Variants in IL1RAPL2 observed in about 807,000 individuals in gnomAD.
IL1RAPL2 encodes the protein interleukin 1 receptor accessory protein like 2.
A neutral mutation model predicts 44.1 loss-of-function variants in IL1RAPL2; 3 were observed. The observed-to-expected ratio is 0.07, with a 90% CI of 0.03 to 0.18. IL1RAPL2 has a LOEUF of 0.18. Ranked by LOEUF, IL1RAPL2 falls within the 10% of genes least tolerant of loss-of-function variation. The pLI, the probability that IL1RAPL2 is intolerant of heterozygous loss-of-function variation, is 1.00. For missense variants in IL1RAPL2, 391 were observed against 496.4 expected, an observed-to-expected ratio of 0.79 and a Z score of 2.02; for synonymous variants, 181 against 178.8, an observed-to-expected ratio of 1.01 and a Z score of -0.10.
intron 1 of IL1RAPL2, among the ~76,000 whole-genome samples, chrX:104,635,519 T>A (rs957949991): frequency 9.8e-5 from 11 of 111,957 alleles, no homozygotes; most frequent in African/African-American, 3.2e-4. Flanking sequence ...TAGTCCCATG[T>A]TTCTTGGAGG....
chrX:104,633,585 A>G (rs747664116), intron 1 of IL1RAPL2, among the ~76,000 whole-genome samples: 19 of 111,636 alleles, frequency 1.7e-4, no homozygotes, highest in Admixed American at 1.5e-3. Context: ...TATATGTGTC[A>G]AGGAATTTAT....
intron 2 of IL1RAPL2, among the ~76,000 whole-genome samples, chrX:105,186,842 C>T (rs1341715924): frequency 9.0e-6 from 1 of 111,661 alleles, no homozygotes; most frequent in Non-Finnish European, 1.9e-5. Flanking sequence ...GAGACATCAC[C>T]TTACACCTAT....
At chrX:105,752,200 T>TCA (rs199910972) in intron 9 of IL1RAPL2, among the ~76,000 whole-genome samples, 147 of 108,905 alleles carry the variant, frequency 1.3e-3, no homozygotes, top group African/African-American at 3.1e-3. Flanking sequence ...AACACTGCAG[T>TCA]CACACACACA....
intron 2 of IL1RAPL2, among the ~76,000 whole-genome samples, chrX:105,174,089 A>G: frequency 9.1e-6 from 1 of 109,843 alleles, no homozygotes; most frequent in Middle Eastern, 4.6e-3. Context: ...TCTCATCTTT[A>G]CCCTCCTACC....
At chrX:104,967,465 T>A (rs1197318552) in intron 2 of IL1RAPL2, among the ~76,000 whole-genome samples, 2 of 110,128 alleles carry the variant, frequency 1.8e-5, no homozygotes, top group Non-Finnish European at 1.9e-5. Flanking sequence ...AGGTTATAAA[T>A]TAATGAGCTA....
chrX:104,795,679 A>G (rs772470611), intron 2 of IL1RAPL2, among the ~76,000 whole-genome samples: 7 of 111,084 alleles, frequency 6.3e-5, no homozygotes, highest in Admixed American at 1.9e-4. Flanking sequence ...TTTGCCGTAA[A>G]ATTATTTTTG....
At chrX:104,824,486 G>A (rs1602745118) in intron 2 of IL1RAPL2, among the ~76,000 whole-genome samples, 2 of 112,003 alleles carry the variant, frequency 1.8e-5, no homozygotes, top group African/African-American at 6.5e-5. Flanking sequence ...TTGTACCTCT[G>A]GTAGAATTGG....
intron 5 of IL1RAPL2, among the ~76,000 whole-genome samples, chrX:105,335,020 A>T (rs1026425979): frequency 9.0e-6 from 1 of 111,554 alleles, no homozygotes; most frequent in Non-Finnish European, 1.9e-5. Context: ...CAAAGATATG[A>T]CTTGGTACAG....
intron 2 of IL1RAPL2, among the ~76,000 whole-genome samples, chrX:104,682,157 C>T (rs948683880): frequency 8.9e-6 from 1 of 112,076 alleles, no homozygotes; most frequent in African/African-American, 3.2e-5. Context: ...AACCAACATA[C>T]ATTTGCACCC....
chrX:104,702,374 T>C (rs1442547917), intron 2 of IL1RAPL2, among the ~76,000 whole-genome samples: 1 of 111,656 alleles, frequency 9.0e-6, no homozygotes, highest in African/African-American at 3.3e-5. Context: ...AGAATACTCA[T>C]TGAATATGGA....
chrX:105,539,701 C>T (rs377559030), intron 6 of IL1RAPL2, among the ~76,000 whole-genome samples: 4 of 111,565 alleles, frequency 3.6e-5, no homozygotes, highest in South Asian at 7.5e-4. Flanking sequence ...AAGAGCTCTG[C>T]ACAGCAAAAG....
chrX:105,230,993 C>T (rs2034064787), intron 3 of IL1RAPL2, among the ~76,000 whole-genome samples: 1 of 112,205 alleles, frequency 8.9e-6, no homozygotes, highest in African/African-American at 3.2e-5. Flanking sequence ...TCACCTGCTT[C>T]TATTATTGAG....
intron 1 of IL1RAPL2, among the ~76,000 whole-genome samples, chrX:104,601,506 G>C (rs996272709): frequency 3.6e-5 from 4 of 111,811 alleles, no homozygotes; most frequent in Non-Finnish European, 7.5e-5. Flanking sequence ...TGAGATTTGG[G>C]TAAAGAATGA....
intron 5 of IL1RAPL2, among the ~76,000 whole-genome samples, chrX:105,413,034 G>A (rs2035708112): frequency 1.8e-5 from 2 of 111,308 alleles, no homozygotes; most frequent in South Asian, 7.5e-4. Context: ...CTGGAATGAT[G>A]TTTAATAAAT....
intron 6 of IL1RAPL2, among the ~76,000 whole-genome samples, chrX:105,507,644 G>A (rs1210789359): frequency 6.3e-5 from 7 of 111,562 alleles, no homozygotes; most frequent in African/African-American, 2.3e-4. Flanking sequence ...AAATAGGTTT[G>A]ATAGTGCTAC....
intron 2 of IL1RAPL2, among the ~76,000 whole-genome samples, chrX:104,853,132 A>G (rs1344177657): frequency 1.8e-5 from 2 of 112,328 alleles, no homozygotes; most frequent in Non-Finnish European, 3.8e-5. Flanking sequence ...CTGTTAGCCA[A>G]GCTGCACAAT....
chrX:105,030,230 G>T (rs2031462516), intron 2 of IL1RAPL2, among the ~76,000 whole-genome samples: 2 of 111,304 alleles, frequency 1.8e-5, no homozygotes, highest in Admixed American at 1.9e-4. Context: ...CTTTTGCTGT[G>T]CAGAAGCTCT....
At chrX:104,745,675 T>C (rs1055826090) in intron 2 of IL1RAPL2, among the ~76,000 whole-genome samples, 10 of 111,840 alleles carry the variant, frequency 8.9e-5, no homozygotes, top group African/African-American at 2.9e-4. Context: ...AGTACATTAA[T>C]GATAATTTTA....
rs1278848298 is a variant in IL1RAPL2 at position 105,661,363 on chromosome X, C to G, written c.773-56004C>G. Among the ~76,000 whole-genome samples the G allele has an allele frequency of 1.8e-5, 2 of 111,684 alleles. 1 individual carries two copies. Among genetic ancestry groups the G allele is most frequent in the East Asian group, 5.7e-4 (2 of 3,529 alleles). Reference sequence around the variant, plus strand: ...CACATCACTGTCAGCCTTGGACAGGCCTTCCAGAGAGAAAATCAACAAAGA... The same window carrying G: ...CACATCACTGTCAGCCTTGGACAGGGCTTCCAGAGAGAAAATCAACAAAGA... On this transcript the variant is annotated intron_variant, in intron 6 of 10. Transcript: ENST00000372582.
Sources: gnomAD v4.1 joint callset for allele counts (sites outside exome capture counted in the v4.1 genomes callset) on GRCh38, gnomAD v4.1.1 for gene constraint, MANE v1.5 for transcripts, NCBI Gene and HGNC (gene_info 2026-07-23, HGNC 2026-07-21) for gene names.